Variants in PKD2L2 observed in about 807,000 individuals in gnomAD.
PKD2L2 encodes polycystin 2 like 2, transient receptor potential cation channel.
PKD2L2 carries 67 observed loss-of-function variants against 83.9 expected under a neutral mutation model. The observed-to-expected ratio is 0.80, with a 90% CI of 0.66 to 0.98. The LOEUF is 0.98. Among genes scored for constraint, PKD2L2 ranks in the 50% least tolerant of loss-of-function variants. The pLI, the probability that PKD2L2 is intolerant of heterozygous loss-of-function variation, is 0.00. For synonymous variants in PKD2L2, 223 were observed against 237.8 expected, an observed-to-expected ratio of 0.94 and a Z score of 0.57; for missense variants, 632 against 717.2, an observed-to-expected ratio of 0.88 and a Z score of 1.36.
intron 7 of PKD2L2, 95 bp downstream of exon 7, chr5:137,908,007 C>T (rs732900): frequency 0.77 from 457,217 of 590,498 alleles, 178,755 homozygotes; most frequent in East Asian, 0.97. Context: ...ATTTTTTCAA[C>T]TATTAAGTAA....
At chr5:137,925,342 C>G (rs754980589) in intron 11 of PKD2L2, among the ~76,000 whole-genome samples, 2 of 152,128 alleles carry the variant, frequency 1.3e-5, no homozygotes. Flanking sequence ...AAAACCACCA[C>G]CAACCTATGT....
chr5:137,903,202 G>C (rs184014907), intron 5 of PKD2L2, among the ~76,000 whole-genome samples: 38 of 152,250 alleles, frequency 2.5e-4, no homozygotes, highest in African/African-American at 8.9e-4. Flanking sequence ...GTCCAAGTTA[G>C]CCCAGGCATG....
chr5:137,940,992 G>A (rs893478324), intron 14 of PKD2L2, among the ~76,000 whole-genome samples: 21 of 152,100 alleles, frequency 1.4e-4, no homozygotes, highest in African/African-American at 4.6e-4. Flanking sequence ...TGCAAGCTCC[G>A]CCTCCCGGAT....
intron 7 of PKD2L2, among the ~76,000 whole-genome samples, chr5:137,908,279 G>C (rs1341726377): frequency 1.3e-5 from 2 of 151,902 alleles, no homozygotes; most frequent in African/African-American, 2.4e-5. Flanking sequence ...CTGCACTCCA[G>C]CCTGGATGAC....
At chr5:137,892,301 T>A (rs1756058668) in intron 2 of PKD2L2, among the ~76,000 whole-genome samples, 179 bp from the exon 3 acceptor site, 1 of 152,246 alleles carries the variant, frequency 6.6e-6, no homozygotes, top group African/African-American at 2.4e-5. Context: ...TTTGCCAGAC[T>A]AATTCTAGAA....
chr5:137,907,726 T>C lies in PKD2L2; in HGVS notation c.976-16T>C. ...GAGATATTCTCTAATTTAACCCTTC[T>C]TATTTTCCCATTTAGTTGTGTTTTG... On this transcript the variant is annotated splice_polypyrimidine_tract_variant and intron_variant, in intron 6 of 14. Coordinates refer to ENST00000508883, the MANE Select transcript of PKD2L2 (RefSeq NM_001300921.2). The C allele has an allele frequency of 7.0e-7, 1 of 1,427,138 alleles. No homozygotes were observed. The highest frequency in any genetic ancestry group is 2.4e-5 in the East Asian group (1 of 41,196). 88.4% of individuals were successfully genotyped at this position (1,427,138 alleles called of 1,614,324 possible).
chr5:137,931,932 A>G (rs1759910582), intron 12 of PKD2L2, among the ~76,000 whole-genome samples: 1 of 152,250 alleles, frequency 6.6e-6, no homozygotes, highest in Non-Finnish European at 1.5e-5. Context: ...CATAAATGTC[A>G]TATATGCAAA....
intron 1 of PKD2L2, chr5:137,890,061 G>A: frequency 6.2e-6 from 1 of 160,258 alleles, no homozygotes; most frequent in Non-Finnish European, 1.4e-5. Flanking sequence ...GAGGCGGGCG[G>A]ATCACAAGGT....
intron 12 of PKD2L2, among the ~76,000 whole-genome samples, chr5:137,930,334 T>C (rs1335400500): frequency 1.3e-5 from 2 of 152,116 alleles, no homozygotes; most frequent in African/African-American, 4.8e-5. Context: ...AAAAAATTCT[T>C]TGACTAAAAA....
chr5:137,936,558 C>T (rs1581009646), intron 14 of PKD2L2, 131 bp downstream of exon 14: 4 of 596,208 alleles, frequency 6.7e-6, no homozygotes, highest in Non-Finnish European at 1.1e-5. Context: ...CGGGTTCAAG[C>T]GATTCTCCTG....
chr5:137,924,726 T>C (rs1428211784), intron 10 of PKD2L2, among the ~76,000 whole-genome samples: 1 of 152,222 alleles, frequency 6.6e-6, no homozygotes, highest in Admixed American at 6.5e-5. Context: ...CACTTGAATA[T>C]GATGTTGGTT....
intron 4 of PKD2L2, among the ~76,000 whole-genome samples, chr5:137,895,006 T>C (rs997537377): frequency 6.6e-6 from 1 of 152,166 alleles, no homozygotes; most frequent in African/African-American, 2.4e-5. Context: ...TTTCCTCCTC[T>C]CTCATTCTGG....
At chr5:137,908,563 T>C (rs1757549268) in intron 7 of PKD2L2, among the ~76,000 whole-genome samples, 2 of 151,788 alleles carry the variant, frequency 1.3e-5, no homozygotes, top group Admixed American at 1.3e-4. Context: ...AGCACTCCAG[T>C]CTGGGTGACA....
intron 12 of PKD2L2, among the ~76,000 whole-genome samples, chr5:137,929,554 A>AAAAAAAAAAAAAAAAAAAAAAAAAG (rs1759684115): frequency 6.7e-6 from 1 of 148,648 alleles, no homozygotes; most frequent in Non-Finnish European, 1.5e-5. Context: ...AAAAAAAAAA[A>AAAAAAAAAAAAAAAAAAAAAAAAAG]AAAAACAGAC....
intron 12 of PKD2L2, among the ~76,000 whole-genome samples, chr5:137,927,237 C>A (rs1264472876): frequency 3.9e-5 from 6 of 152,154 alleles, no homozygotes. Context: ...ACTATCAACA[C>A]TGAAACAAAT....
At chr5:137,900,007 A>AGAT (rs1468436346) in intron 5 of PKD2L2, among the ~76,000 whole-genome samples, 1 of 152,262 alleles carries the variant, frequency 6.6e-6, no homozygotes, top group African/African-American at 2.4e-5. Context: ...GTAGATACTC[A>AGAT]TCTATTTTAT....
At chr5:137,918,158 G>A (rs1758552471) in intron 8 of PKD2L2, among the ~76,000 whole-genome samples, 1 of 152,150 alleles carries the variant, frequency 6.6e-6, no homozygotes, top group African/African-American at 2.4e-5. Context: ...GCCATTTTTT[G>A]TTCTTATTTT....
Position 137,925,894 on chromosome 5 carries a change from G to A in PKD2L2, c.1636G>A (p.Ala546Thr). 1 of 1,597,524 alleles carries A rather than the reference G, an allele frequency of 6.3e-7. No individual in the cohort carries two copies. The highest frequency in any genetic ancestry group is 8.6e-7 in the Non-Finnish European group (1 of 1,167,462). ...DKKTKGSGDL[A>T]EQARREGFDE... ...CAATAGCAAAGGCAGCGGAGATTTG[G>A]CTGAACAAGCCAGAAGAGAAGGCTT... Residue 546 changes from alanine (A) to threonine (T), a missense_variant, in exon 12 of 15, where the codon GCT (alanine) becomes ACT (threonine). By Grantham distance (58) the Ala-to-Thr change is moderately conservative. Coordinates refer to ENST00000508883, the MANE Select transcript of PKD2L2 (RefSeq NM_001300921.2).
chr5:137,894,291 T>C, intron 3 of PKD2L2, 62 bp from the exon 4 acceptor site: 1 of 1,376,520 alleles, frequency 7.3e-7, no homozygotes, highest in Non-Finnish European at 9.9e-7. Context: ...CATAATGTTA[T>C]GAATGTAGAT....
Sources: gnomAD v4.1 joint callset for allele counts (sites outside exome capture counted in the v4.1 genomes callset) on GRCh38, gnomAD v4.1.1 for gene constraint, MANE v1.5 for transcripts, NCBI Gene and HGNC (gene_info 2026-07-23, HGNC 2026-07-21) for gene names.